Variants in CACNA1D observed in about 807,000 individuals in gnomAD.
The protein encoded by CACNA1D is voltage-dependent L-type calcium channel subunit alpha-1D.
Under a neutral mutation model 257.1 loss-of-function variants are expected in CACNA1D, and 55 were observed. The ratio of observed to expected loss-of-function variants is 0.21; its 90% CI spans 0.17 to 0.27. The LOEUF is 0.27. Ranked by LOEUF, CACNA1D falls within the 10% of genes least tolerant of loss-of-function variation. CACNA1D has a pLI of 1.00. For missense variants in CACNA1D, 1,876 were observed against 2,784.0 expected, an observed-to-expected ratio of 0.67 and a Z score of 7.34; for synonymous variants, 980 against 1,014.9, an observed-to-expected ratio of 0.97 and a Z score of 0.65.
chr3:53,520,037 C>G (rs1160342866), intron 3 of CACNA1D, among the ~76,000 whole-genome samples: 1 of 152,206 alleles, frequency 6.6e-6, no homozygotes, highest in African/African-American at 2.4e-5. Context: ...ATTTATTTAT[C>G]TCTTCATCAA....
intron 3 of CACNA1D, among the ~76,000 whole-genome samples, chr3:53,593,561 T>C (rs553074907): frequency 6.6e-6 from 1 of 152,206 alleles, no homozygotes; most frequent in South Asian, 2.1e-4. Flanking sequence ...GATGGGAGTG[T>C]TGGTTGATTG....
At chr3:53,583,865 G>T (rs934967099) in intron 3 of CACNA1D, among the ~76,000 whole-genome samples, 7 of 152,216 alleles carry the variant, frequency 4.6e-5, no homozygotes, top group African/African-American at 1.7e-4. Flanking sequence ...CAAGGGAGAA[G>T]AGTGGGCCCC....
At chr3:53,635,981 A>G (rs6798837) in intron 3 of CACNA1D, among the ~76,000 whole-genome samples, 6,420 of 152,152 alleles carry the variant, frequency 0.042, 445 homozygotes, top group African/African-American at 0.15. Flanking sequence ...CTCCATCCCT[A>G]TCACTTCCTG....
intron 3 of CACNA1D, among the ~76,000 whole-genome samples, chr3:53,598,231 G>A (rs1170216192): frequency 6.6e-6 from 1 of 152,072 alleles, no homozygotes; most frequent in East Asian, 1.9e-4. Flanking sequence ...TCCCATCTCA[G>A]ATTTCAGAGA....
At chr3:53,736,361 A>T (rs1320011141) in intron 20 of CACNA1D, among the ~76,000 whole-genome samples, 1 of 152,112 alleles carries the variant, frequency 6.6e-6, no homozygotes, top group South Asian at 2.1e-4. Context: ...AAAAGAATAT[A>T]TAATGAATGT....
At position 53,636,548 on chromosome 3, in the gene CACNA1D, C is replaced by T. The variant is rs974482568; in HGVS notation, c.484-14231C>T. Among the ~76,000 whole-genome samples, 26 of 152,280 alleles carry T rather than the reference C, an allele frequency of 1.7e-4. 1 individual carries two copies. The highest frequency in any genetic ancestry group is 1.2e-3 in the Admixed American group (19 of 15,288). ...CTCAAACTCCTGACCTCAAGCAGTC[C>T]GGCCTGCCTTGGCCCCCACGAAGTG... On this transcript the variant is annotated intron_variant, in intron 3 of 47. Coordinates refer to ENST00000350061, the MANE Select transcript of CACNA1D (RefSeq NM_001128840.3).
chr3:53,763,292 G>A (rs1332917041), intron 30 of CACNA1D, among the ~76,000 whole-genome samples: 1 of 152,238 alleles, frequency 6.6e-6, no homozygotes, highest in African/African-American at 2.4e-5. Context: ...GGGAACAAGT[G>A]CAGTAGTGGC....
intron 5 of CACNA1D, 80 bp from the exon 6 acceptor site, chr3:53,665,580 A>C (rs557107201): frequency 9.6e-7 from 1 of 1,039,528 alleles, no homozygotes; most frequent in African/African-American, 1.6e-5. Flanking sequence ...TAAGTAAAGG[A>C]GGCATGGTTA....
intron 32 of CACNA1D, among the ~76,000 whole-genome samples, chr3:53,772,286 C>T (rs970820262): frequency 2.6e-5 from 4 of 152,188 alleles, no homozygotes; most frequent in Non-Finnish European, 5.9e-5. Context: ...ATCCTACAGC[C>T]ACAGCCAGAA....
intron 3 of CACNA1D, among the ~76,000 whole-genome samples, chr3:53,627,667 G>A (rs1395518793): frequency 6.6e-6 from 1 of 151,984 alleles, no homozygotes; most frequent in Non-Finnish European, 1.5e-5. Context: ...GGCTGGCTTA[G>A]TGAGCCCTGG....
At chr3:53,684,331 G>A (rs1366365268) in intron 8 of CACNA1D, among the ~76,000 whole-genome samples, 2 of 152,160 alleles carry the variant, frequency 1.3e-5, no homozygotes, top group African/African-American at 2.4e-5. Context: ...CTTTAAAAAC[G>A]AGGAGCATGG....
chr3:53,736,710 A>G (rs2095060615), intron 20 of CACNA1D, among the ~76,000 whole-genome samples: 1 of 151,880 alleles, frequency 6.6e-6, no homozygotes, highest in African/African-American at 2.4e-5. Flanking sequence ...TAGGCAACAT[A>G]GTGAGACCCC....
intron 3 of CACNA1D, among the ~76,000 whole-genome samples, chr3:53,517,480 T>C (rs535362546): frequency 4.0e-4 from 61 of 150,952 alleles, no homozygotes; most frequent in Non-Finnish European, 8.1e-4. Flanking sequence ...TTTCCTTTTC[T>C]TTCTTTCTTT....
At position 53,519,532 on chromosome 3, in the gene CACNA1D, C is replaced by T. The variant is rs1454179910; in HGVS notation, c.483+17812C>T. 1.1e-4 allele frequency among the ~76,000 whole-genome samples: 16 copies of T among 152,260 alleles called. No individual in the cohort carries two copies. The East Asian group carries it at 3.1e-3, about 29-fold the overall frequency. On this transcript the variant is annotated intron_variant, in intron 3 of 47. Coordinates refer to ENST00000350061, the MANE Select transcript of CACNA1D (RefSeq NM_001128840.3). ...CCAGGATCAGATAATCAGCACTGGT[C>T]ACTGGCACCTGGCATTGGGACCTGG...
At chr3:53,760,033 C>T (rs1479605902) in intron 29 of CACNA1D, among the ~76,000 whole-genome samples, 1 of 152,144 alleles carries the variant, frequency 6.6e-6, no homozygotes, top group East Asian at 1.9e-4. Context: ...TTCCTTTTGT[C>T]TGCTGATAGA....
At chr3:53,771,346 A>C (rs1312710495) in intron 32 of CACNA1D, among the ~76,000 whole-genome samples, 1 of 152,256 alleles carries the variant, frequency 6.6e-6, no homozygotes, top group Non-Finnish European at 1.5e-5. Flanking sequence ...AAATGTTTAC[A>C]ATAACAAATG....
At chr3:53,792,494 T>C (rs1201925891) in intron 40 of CACNA1D, 1 of 152,190 alleles carries the variant, frequency 6.6e-6, no homozygotes, top group African/African-American at 2.4e-5. Context: ...CCTGCCCTGA[T>C]GTGTACAGGC....
intron 3 of CACNA1D, among the ~76,000 whole-genome samples, chr3:53,510,271 A>G (rs898974483): frequency 1.3e-5 from 2 of 152,168 alleles, no homozygotes; most frequent in Non-Finnish European, 2.9e-5. Flanking sequence ...TCACCTGTGC[A>G]TTTTGAAACA....
At chr3:53,540,832 C>T (rs1268860139) in intron 3 of CACNA1D, among the ~76,000 whole-genome samples, 1 of 152,080 alleles carries the variant, frequency 6.6e-6, no homozygotes, top group African/African-American at 2.4e-5. Flanking sequence ...ACCTCCGCCT[C>T]CTGGGTTCAA....
Sources: allele counts gnomAD v4.1 joint callset (sites outside exome capture counted in the v4.1 genomes callset), GRCh38; gene constraint gnomAD v4.1.1; transcripts MANE v1.5; gene names NCBI Gene and HGNC (gene_info 2026-07-23, HGNC 2026-07-21).